Variants in GPD2 observed in about 807,000 individuals in gnomAD.
GPD2 encodes glycerol-3-phosphate dehydrogenase, mitochondrial.
In GPD2, 54 loss-of-function variants were observed where a neutral mutation model predicts 82.4. The ratio of observed to expected loss-of-function variants is 0.66; its 90% confidence interval spans 0.53 to 0.82. The LOEUF (loss-of-function observed/expected upper bound fraction) is 0.82, where lower values mean the gene tolerates loss of function less well. Ranked by LOEUF, GPD2 falls within the 40% of genes least tolerant of loss-of-function variation. The probability of loss-of-function intolerance (pLI) is 0.00; values close to 1 mark genes in which losing one functional copy is unlikely to be tolerated. For synonymous variants in GPD2, 288 were observed against 306.1 expected, an observed-to-expected ratio of 0.94 and a Z score of 0.62; for missense variants, 748 against 896.2, an observed-to-expected ratio of 0.83 and a Z score of 2.11.
At position 156,451,511 on chromosome 2, in the gene GPD2, C is replaced by T. The variant is rs1314433982; in HGVS notation, c.-9+14998C>T. On this transcript the variant is annotated intron_variant, in intron 1 of 16. Transcript: ENST00000438166. ...CTCCCGGAAGGGGCGGCTGGCCGAG[C>T]GGGGGGGCTGACCCCCCCACCTCCC... Among the ~76,000 whole-genome samples, 5 of 21,488 alleles carry T rather than the reference C, an allele frequency of 2.3e-4. 2 individuals carry two copies. Among genetic ancestry groups the T allele is most frequent in the South Asian group, 6.7e-3 (2 of 298 alleles). 14.1% of individuals were successfully genotyped at this position (21,488 alleles called of 152,430 possible). A position where few individuals can be genotyped will look rare whatever the true frequency, so the allele number is the denominator to read the frequency against.
chr2:156,452,099 G>A (rs1197394331), intron 1 of GPD2, among the ~76,000 whole-genome samples: 1 of 149,920 alleles, frequency 6.7e-6, no homozygotes, highest in Non-Finnish European at 1.5e-5. Flanking sequence ...GGCTCCTCAC[G>A]TCCCAGACGA....
the GPD2 span, among the ~76,000 whole-genome samples, chr2:156,429,889 A>T: frequency 6.6e-6 from 1 of 152,164 alleles, no homozygotes; most frequent in South Asian, 2.1e-4. Context: ...CTGCTCAAGG[A>T]TTTAAGATTT....
At chr2:156,478,119 A>G (rs987714680) in intron 2 of GPD2, among the ~76,000 whole-genome samples, 2 of 152,060 alleles carry the variant, frequency 1.3e-5, no homozygotes, top group Admixed American at 6.6e-5. Context: ...TTTCTCTCTA[A>G]TAATTGATCT....
chr2:156,571,194 C>A lies in GPD2; in HGVS notation c.1669C>A (p.Arg557Ser). Reference sequence around the variant, plus strand: ...TGTGGATATGATTTCACGTCGTACTCGCCTGGCCTTTCTAAATGTCCAGGC... The same window carrying A: ...TGTGGATATGATTTCACGTCGTACTAGCCTGGCCTTTCTAAATGTCCAGGC... ...TAVDMISRRT[R>S]LAFLNVQAAE... The change falls in exon 13 of 17, where the codon CGC (arginine) becomes AGC (serine). Residue 557 changes from arginine (R) to serine (S), a missense_variant. By Grantham distance (110) the Arg-to-Ser change is moderately radical. This residue lies in a region of GPD2 where 692 missense variants were observed against 809.7 expected (regional missense o/e 0.85). Coordinates refer to ENST00000438166, the MANE Select transcript of GPD2 (RefSeq NM_000408.5). 1 of 1,609,934 alleles carries A rather than the reference C, an allele frequency of 6.2e-7. No homozygotes were observed. The highest frequency in any genetic ancestry group is 8.5e-7 in the Non-Finnish European group (1 of 1,176,220).
intron 6 of GPD2, among the ~76,000 whole-genome samples, chr2:156,536,625 C>T (rs1034266464): frequency 6.6e-6 from 1 of 152,196 alleles, no homozygotes; most frequent in African/African-American, 2.4e-5. Context: ...TGTGGATACT[C>T]TTCAAGATTT....
chr2:156,550,745 A>C lies in GPD2; in HGVS notation c.970A>C (p.Ser324Arg). The C allele has an allele frequency of 6.2e-7, 1 of 1,612,954 alleles. No individual in the cohort carries two copies. Among genetic ancestry groups the C allele is most frequent in the Non-Finnish European group, 8.5e-7 (1 of 1,179,012 alleles). Reference sequence around the variant, plus strand: ...CCATATTGTGATGCCTGGTTATTACAGGTAATTGTCTTCCAATGTGGCAGT... The same window carrying C: ...CCATATTGTGATGCCTGGTTATTACCGGTAATTGTCTTCCAATGTGGCAGT... ...GVHIVMPGYY[S>R]PESMGLLDPA... The change falls in exon 8 of 17, where the codon AGC becomes CGC. Residue 324 changes from serine to arginine, a missense_variant and splice_region_variant. Coordinates refer to ENST00000438166, the MANE Select transcript of GPD2 (RefSeq NM_000408.5).
chr2:156,581,692 C>T (rs116319914), intron 16 of GPD2, among the ~76,000 whole-genome samples: 2,156 of 152,058 alleles, frequency 0.014, 21 homozygotes, highest in Non-Finnish European at 0.021. Flanking sequence ...CTATAGATAT[C>T]TCATGGTTAT....
chr2:156,410,074 A>C, the GPD2 span, among the ~76,000 whole-genome samples: 1 of 152,220 alleles, frequency 6.6e-6, no homozygotes, highest in Non-Finnish European at 1.5e-5. Context: ...AGGCTTATAG[A>C]TGATAAAAGT....
At chr2:156,543,623 G>A (rs1464281614) in intron 6 of GPD2, among the ~76,000 whole-genome samples, 1 of 152,208 alleles carries the variant, frequency 6.6e-6, no homozygotes, top group African/African-American at 2.4e-5. Context: ...GTGTCTAAAA[G>A]GAGTCAGGGA....
chr2:156,484,962 C>G (rs1683882382), intron 2 of GPD2, among the ~76,000 whole-genome samples: 3 of 152,172 alleles, frequency 2.0e-5, no homozygotes, highest in Non-Finnish European at 4.4e-5. Context: ...TTACTCTCTG[C>G]TTCTATGAGT....
intron 6 of GPD2, among the ~76,000 whole-genome samples, chr2:156,533,321 C>G (rs966493717): frequency 6.6e-6 from 1 of 152,194 alleles, no homozygotes; most frequent in Non-Finnish European, 1.5e-5. Context: ...TCCATCAACT[C>G]ATGAGCTATG....
intron 6 of GPD2, among the ~76,000 whole-genome samples, chr2:156,535,569 GT>G (rs956958230): frequency 2.0e-5 from 3 of 150,136 alleles, no homozygotes; most frequent in Non-Finnish European, 3.0e-5. Context: ...TCTTGTTGTT[GT>G]TTTTTTTTGT....
intron 6 of GPD2, among the ~76,000 whole-genome samples, chr2:156,519,761 C>T (rs546911118): frequency 4.6e-5 from 7 of 152,216 alleles, no homozygotes; most frequent in Non-Finnish European, 1.0e-4. Flanking sequence ...GCTCAAACCC[C>T]TTGTGGGTGG....
intron 6 of GPD2, among the ~76,000 whole-genome samples, chr2:156,532,985 G>A (rs1237264645): frequency 6.6e-6 from 1 of 152,214 alleles, no homozygotes; most frequent in Non-Finnish European, 1.5e-5. Context: ...GAGGCCTAAA[G>A]CCTAAAGGCC....
intron 1 of GPD2, among the ~76,000 whole-genome samples, chr2:156,446,386 G>A (rs1197319668): frequency 6.6e-6 from 1 of 152,104 alleles, no homozygotes; most frequent in Non-Finnish European, 1.5e-5. Context: ...GTGAGCCACT[G>A]CGCCTGGCCT....
chr2:156,538,783 T>G (rs1359626239), intron 6 of GPD2, among the ~76,000 whole-genome samples: 1 of 138,930 alleles, frequency 7.2e-6, no homozygotes, highest in Non-Finnish European at 1.5e-5. Context: ...ATCACGCCAC[T>G]GCACTGCAGC....
At chr2:156,553,183 C>T (rs545933339) in intron 8 of GPD2, among the ~76,000 whole-genome samples, 17 of 152,130 alleles carry the variant, frequency 1.1e-4, no homozygotes, top group Non-Finnish European at 1.5e-4. Context: ...CCACTGTGCC[C>T]GGCCCCTTAT....
chr2:156,544,112 T>C (rs973484341), intron 6 of GPD2, among the ~76,000 whole-genome samples: 7 of 152,190 alleles, frequency 4.6e-5, no homozygotes, highest in Non-Finnish European at 8.8e-5. Context: ...CAGGTGGCTC[T>C]TCTGATATAG....
the GPD2 span, among the ~76,000 whole-genome samples, chr2:156,408,167 C>T: frequency 4.0e-5 from 6 of 151,898 alleles, no homozygotes; most frequent in East Asian, 1.9e-4. Context: ...GTTGCCCAGG[C>T]GGGTCTTGAA....
Sources: gnomAD v4.1 joint callset for allele counts (sites outside exome capture counted in the v4.1 genomes callset) on GRCh38, gnomAD v4.1.1 for gene constraint, gnomAD v4.1.1 regional missense constraint, MANE v1.5 for transcripts, NCBI Gene and HGNC (gene_info 2026-07-23, HGNC 2026-07-21) for gene names.